Variants in SI observed in about 807,000 individuals in gnomAD.
The protein encoded by SI is sucrase-isomaltase, also known as sucrase-isomaltase, intestinal.
SI carries 235 observed loss-of-function variants against 253.3 expected under a neutral mutation model. That is an observed-to-expected ratio of 0.93 (90% confidence interval 0.83 to 1.03). The LOEUF is 1.03. SI is among the 50% of genes least tolerant of loss of function. The pLI is 0.00. For synonymous variants in SI, 819 were observed against 712.0 expected (o/e 1.15, Z -2.39); for missense variants, 2,442 against 2,211.1 (o/e 1.10, Z -2.09).
chr3:164,983,779 G>A (rs1407980218), intron 45 of SI, among the ~76,000 whole-genome samples: 9 of 151,814 alleles, frequency 5.9e-5, no homozygotes, highest in Admixed American at 2.0e-4. Flanking sequence ...ATTTTGTAGA[G>A]GCAGGTTCTC....
chr3:165,054,732 A>G (rs1203079639), intron 13 of SI, among the ~76,000 whole-genome samples: 1 of 152,074 alleles, frequency 6.6e-6, no homozygotes, highest in African/African-American at 2.4e-5. Context: ...TACTTAACCT[A>G]TTGCCAATTT....
intron 25 of SI, among the ~76,000 whole-genome samples, chr3:165,028,985 A>T (rs759233893): frequency 3.3e-5 from 5 of 151,472 alleles, no homozygotes; most frequent in African/African-American, 7.3e-5. Flanking sequence ...GAGTAAACAG[A>T]CAACCCACAG....
At chr3:164,992,131 A>G (rs929731381) in intron 43 of SI, 46 bp downstream of exon 43, 1 of 1,475,228 alleles carries the variant, frequency 6.8e-7, no homozygotes, top group African/African-American at 1.4e-5. Flanking sequence ...CCAAACAATT[A>G]CCCGTTTCTG....
At chr3:164,981,414 T>C (rs1011125018) in intron 47 of SI, among the ~76,000 whole-genome samples, 2 of 151,978 alleles carry the variant, frequency 1.3e-5, no homozygotes, top group African/African-American at 2.4e-5. Flanking sequence ...CAAATGCATA[T>C]ATATATATTT....
chr3:165,068,662 C>G (rs934575064), intron 5 of SI, 60 bp downstream of exon 5: 1 of 1,252,974 alleles, frequency 8.0e-7, no homozygotes, highest in Admixed American at 1.7e-5. Flanking sequence ...CGTGAGCCAC[C>G]GCGCCCAGCC....
At chr3:165,077,338 T>C (rs769015122) in intron 1 of SI, among the ~76,000 whole-genome samples, 1 of 151,700 alleles carries the variant, frequency 6.6e-6, no homozygotes, top group Non-Finnish European at 1.5e-5. Flanking sequence ...TCATTTACCA[T>C]AGCATATTAA....
At chr3:164,998,872 C>G (rs549674948) in intron 37 of SI, among the ~76,000 whole-genome samples, 199 bp from the exon 38 acceptor site, 34 of 151,838 alleles carry the variant, frequency 2.2e-4, no homozygotes, top group Non-Finnish European at 2.2e-4. Context: ...TTTTCCCTTC[C>G]AACATTTACC....
chr3:165,082,478 G>C (rs573319727), upstream of SI, among the ~76,000 whole-genome samples: 2 of 152,062 alleles, frequency 1.3e-5, no homozygotes, highest in South Asian at 4.2e-4. Flanking sequence ...GATACTTAAT[G>C]CCTGGAGGCG....
At chr3:165,074,978 A>G (rs1319297361) in intron 2 of SI, among the ~76,000 whole-genome samples, 2 of 151,972 alleles carry the variant, frequency 1.3e-5, no homozygotes, top group Non-Finnish European at 2.9e-5. Flanking sequence ...TGTATTTACA[A>G]CTTGTATTTT....
In SI at chr3:164,979,342, A is replaced by C; in HGVS notation, c.*20T>G. On this transcript the variant is annotated 3_prime_UTR_variant, in exon 48 of 48. Transcript: ENST00000264382. ...ATCCTGGTGTTTTTTCCCATTGACA[A>C]CTAAAATTGATGGTGATCTTCATGA... The C allele has an allele frequency of 2.0e-6, 3 of 1,486,050 alleles. No homozygotes were observed. The highest frequency in any genetic ancestry group is 2.8e-6 in the Non-Finnish European group (3 of 1,065,626). 92.1% of individuals were successfully genotyped at this position (1,486,050 alleles called of 1,614,324 possible).
At chr3:165,015,826 T>G in intron 32 of SI, 126 bp downstream of exon 32, 1 of 841,958 alleles carries the variant, frequency 1.2e-6, no homozygotes, top group Non-Finnish European at 2.0e-6. Context: ...GAAGAGAGTT[T>G]TAGATTTGGG....
chr3:165,080,353 A>G (rs1281691357), upstream of SI, among the ~76,000 whole-genome samples: 1 of 151,954 alleles, frequency 6.6e-6, no homozygotes, highest in Non-Finnish European at 1.5e-5. Flanking sequence ...CCTCCTTTAC[A>G]TGTTCCTTTA....
At chr3:165,017,723 A>T in intron 30 of SI, 38 bp downstream of exon 30, 1 of 1,598,506 alleles carries the variant, frequency 6.3e-7, no homozygotes, top group Non-Finnish European at 8.5e-7. Context: ...TATGCTATAA[A>T]AATTTTTAAT....
chr3:164,993,628 A>T (rs1033664445), intron 41 of SI, among the ~76,000 whole-genome samples: 1 of 151,716 alleles, frequency 6.6e-6, no homozygotes, highest in Non-Finnish European at 1.5e-5. Context: ...GTTTGACTGC[A>T]TGCTTTGCTT....
intron 28 of SI, 60 bp from the exon 29 acceptor site, chr3:165,018,126 AAT>A (rs1196659355): frequency 5.1e-6 from 5 of 989,524 alleles, no homozygotes; most frequent in Admixed American, 1.7e-5. Flanking sequence ...GAATTTAATC[AAT>A]GTTATTTTAA....
rs557433017 is a variant in SI at position 164,998,623 on chromosome 3, G to A, written c.4457C>T (p.Thr1486Met). 2.5e-5 allele frequency: 41 copies of A among 1,611,282 alleles called. No homozygotes were observed. Among genetic ancestry groups the A allele is most frequent in the South Asian group, 2.4e-4 (22 of 91,056 alleles). ...GKRGIVISRS[T>M]YPTSGRWGGH... ...TCCCCATCGTCCACTAGTAGGATACGTGGAACGAGAAATTACAATCCCTCT... is the reference window on the plus strand; with the variant it reads ...TCCCCATCGTCCACTAGTAGGATACATGGAACGAGAAATTACAATCCCTCT... Residue 1486 changes from threonine (T) to methionine (M), a missense_variant, in exon 38 of 48, where the codon ACG becomes ATG. By Grantham distance (81) the Thr-to-Met change is moderately conservative. Transcript: ENST00000264382.
intron 8 of SI, among the ~76,000 whole-genome samples, chr3:165,062,846 G>A (rs550560921): frequency 1.3e-5 from 2 of 152,018 alleles, no homozygotes; most frequent in Admixed American, 6.6e-5. Context: ...GAAAGATCAA[G>A]TTATCACATA....
At chr3:165,032,812 C>T in intron 23 of SI, 120 bp from the exon 24 acceptor site, 1 of 618,722 alleles carries the variant, frequency 1.6e-6, no homozygotes, top group Non-Finnish European at 2.8e-6. Context: ...CACCAGCTCT[C>T]CTCATCCAAG....
chr3:165,027,999 C>T (rs758978108), intron 25 of SI, among the ~76,000 whole-genome samples: 3 of 151,292 alleles, frequency 2.0e-5, no homozygotes, highest in Middle Eastern at 3.2e-3. Context: ...GTCAAACTGT[C>T]GCTCTTTGCT....
Sources: allele counts gnomAD v4.1 joint callset (sites outside exome capture counted in the v4.1 genomes callset), GRCh38; gene constraint gnomAD v4.1.1; transcripts MANE v1.5; gene names NCBI Gene and HGNC (gene_info 2026-07-23, HGNC 2026-07-21).